Variants in GLT6D1 observed in about 807,000 individuals in gnomAD.
GLT6D1 encodes putative glycosyltransferase 6 domain-containing protein 1.
A neutral mutation model predicts 12.3 loss-of-function variants in GLT6D1; 9 were observed. The ratio of observed to expected loss-of-function variants is 0.73; its 90% confidence interval spans 0.44 to 1.27. The LOEUF is 1.27. Ranked by LOEUF, GLT6D1 falls within the 50% of genes most tolerant of loss-of-function variation. The pLI is 0.00. For missense variants in GLT6D1, 335 were observed against 346.2 expected (o/e 0.97, Z 0.26); for synonymous variants, 128 against 132.3 (o/e 0.97, Z 0.23).
chr9:135,626,329 A>AGC lies in GLT6D1; in HGVS notation c.120-124_120-123insGC, dbSNP rs1164937976. ...CGCGCCCAGCTCCGTGTTTGAGTGC[A>AGC]TCATCCCACTGGATTCATCCTTGCA... On this transcript the variant is annotated intron_variant, in intron 3 of 4. Coordinates refer to ENST00000371763, the MANE Select transcript of GLT6D1 (RefSeq NM_182974.3). 644 of 1,028,654 alleles carry AGC rather than the reference A, an allele frequency of 6.3e-4. 3 individuals are homozygous for AGC. The highest frequency in any genetic ancestry group is 2.1e-3 in the Admixed American group (96 of 45,964). The allele number at this position is 1,028,654 out of a possible 1,614,324, so 63.7% of individuals were successfully genotyped here.
Position 135,624,002 on chromosome 9 carries a change from CA to C in GLT6D1, c.*94del, listed in dbSNP as rs1461670619. 5 of 775,248 alleles carry C rather than the reference CA, an allele frequency of 6.4e-6. No individual in the cohort carries two copies. The Admixed American group carries it at 1.0e-4, about 16-fold the overall frequency. The allele number at this position is 775,248 out of a possible 1,614,324, so 48.0% of individuals were successfully genotyped here. On this transcript the variant is annotated 3_prime_UTR_variant, in exon 5 of 5. Transcript: ENST00000371763. ...TCGTCATAAACCTCATGGCGTAATT[CA>C]TAATTTCCTCTGGGAATCATGTGCG...
chr9:135,624,696 A>T (rs1327468989), intron 4 of GLT6D1, 26 bp from the exon 5 acceptor site: 1 of 1,301,818 alleles, frequency 7.7e-7, no homozygotes. Context: ...TGGGGAAGAA[A>T]CTTACTTTTC....
chr9:135,627,374 T>C (rs1833546981), intron 3 of GLT6D1, among the ~76,000 whole-genome samples: 1 of 152,194 alleles, frequency 6.6e-6, no homozygotes, highest in South Asian at 2.1e-4. Flanking sequence ...ACACATGCTA[T>C]TTACAGTTTC....
chr9:135,639,246 T>A, intron 1 of GLT6D1, 47 bp downstream of exon 1: 1 of 1,022,818 alleles, frequency 9.8e-7, no homozygotes, highest in Non-Finnish European at 1.5e-6. Context: ...AATGACATAT[T>A]TGTCATCATC....
intron 3 of GLT6D1, 72 bp from the exon 4 acceptor site, chr9:135,626,278 G>C: frequency 6.6e-7 from 1 of 1,524,468 alleles, no homozygotes; most frequent in African/African-American, 1.4e-5. Context: ...GAGCAGTAAT[G>C]CCTAATGCTT....
At chr9:135,626,339 T>G in intron 3 of GLT6D1, 133 bp from the exon 4 acceptor site, 1 of 871,426 alleles carries the variant, frequency 1.1e-6, no homozygotes, top group Non-Finnish European at 1.8e-6. Context: ...ATCATCCCAC[T>G]GGATTCATCC....
intron 3 of GLT6D1, among the ~76,000 whole-genome samples, chr9:135,627,247 A>C (rs1031197428): frequency 1.3e-5 from 2 of 152,150 alleles, no homozygotes; most frequent in African/African-American, 2.4e-5. Context: ...TTAAAAAAAA[A>C]CCAATATCTC....
rs1961127 is a variant in GLT6D1 at position 135,624,997 on chromosome 9, G to A, written c.258-327C>T. Among the ~76,000 whole-genome samples, 1,047 of 150,910 alleles carry A rather than the reference G, an allele frequency of 6.9e-3. 19 individuals are homozygous for A. The highest frequency in any genetic ancestry group is 0.038 in the East Asian group (194 of 5,120). ...GACCTCAGGTGATCCCACCCACCTCGGCGTCCTAAAGTGCTGGGATTACAG... is the reference window on the plus strand; with the variant it reads ...GACCTCAGGTGATCCCACCCACCTCAGCGTCCTAAAGTGCTGGGATTACAG... On this transcript the variant is annotated intron_variant, in intron 4 of 4. Coordinates refer to ENST00000371763, the MANE Select transcript of GLT6D1 (RefSeq NM_182974.3).
At chr9:135,624,896 A>ATTTTTTTTTTTT (rs397894316) in intron 4 of GLT6D1, among the ~76,000 whole-genome samples, 1 of 126,138 alleles carries the variant, frequency 7.9e-6, no homozygotes, top group Non-Finnish European at 1.6e-5. Flanking sequence ...CGCCCAGGTA[A>ATTTTTTTTTTTT]TTTTTTTTTT....
In GLT6D1 at chr9:135,639,114, T is replaced by C. The variant is rs560353045; in HGVS notation, c.71+3A>G. The C allele has an allele frequency of 1.3e-6, 2 of 1,497,494 alleles. No individual in the cohort carries two copies. Among genetic ancestry groups the C allele is most frequent in the African/African-American group, 2.8e-5 (2 of 72,356 alleles). The allele number at this position is 1,497,494 out of a possible 1,614,324, so 92.8% of individuals were successfully genotyped here. On this transcript the variant is annotated splice_donor_region_variant and intron_variant, in intron 2 of 4. Transcript: ENST00000371763. ...TCATGATTTATCAATACTTTATATT[T>C]ACCTGAAATAACGCTCAACCAACAT...
chr9:135,625,303 T>C (rs1027351256), intron 4 of GLT6D1, among the ~76,000 whole-genome samples: 6 of 152,132 alleles, frequency 3.9e-5, no homozygotes, highest in African/African-American at 1.4e-4. Flanking sequence ...TGTTAAGGAC[T>C]CGGCCATCGA....
Position 135,623,898 on chromosome 9 carries a change from A to T in GLT6D1, c.*199T>A, listed in dbSNP as rs2119123932. 2.0e-6 allele frequency: 1 copy of T among 509,608 alleles called. No individual in the cohort carries two copies. The allele number at this position is 509,608 out of a possible 1,614,324, so 31.6% of individuals were successfully genotyped here. A position where few individuals can be genotyped will look rare whatever the true frequency, so the allele number is the denominator to read the frequency against. On this transcript the variant is annotated 3_prime_UTR_variant, in exon 5 of 5. Transcript: ENST00000371763. Reference sequence around the variant, plus strand: ...AAGAAGAAACATTTATTTGGGAAGGATGTAAATTTGTATGTCTCTAAAAAA... The same window carrying T: ...AAGAAGAAACATTTATTTGGGAAGGTTGTAAATTTGTATGTCTCTAAAAAA...
intron 2 of GLT6D1, among the ~76,000 whole-genome samples, chr9:135,637,900 T>TA (rs1168311274): frequency 6.6e-6 from 1 of 152,234 alleles, no homozygotes; most frequent in African/African-American, 2.4e-5. Flanking sequence ...GCTGTTCAAA[T>TA]AGCCTCTGGA....
At position 135,624,265 on chromosome 9, in the gene GLT6D1, T is replaced by A. The variant is rs200214074; in HGVS notation, c.663A>T (p.Gly221=). 689 of 1,604,416 alleles carry A rather than the reference T, an allele frequency of 4.3e-4. 1 individual carries two copies. The highest frequency in any genetic ancestry group is 2.2e-3 in the Middle Eastern group (13 of 5,996). Residue 221 remains glycine, a synonymous_variant, in exon 5 of 5, where the codon GGA becomes GGT. Coordinates refer to ENST00000371763, the MANE Select transcript of GLT6D1 (RefSeq NM_182974.3). ...RPTSAACIPF[G]QGDFYYGNLM... ...AGTTGCCATAATAGAAATCTCCCTG[T>A]CCAAACGGGATGCAAGCTGCTGAGG...
At position 135,626,062 on chromosome 9, in the gene GLT6D1, C is replaced by G; in HGVS notation, c.257+7G>C. 1 of 1,613,862 alleles carries G rather than the reference C, an allele frequency of 6.2e-7. No homozygotes were observed. The highest frequency in any genetic ancestry group is 1.1e-5 in the South Asian group (1 of 91,012). On this transcript the variant is annotated splice_region_variant and intron_variant, in intron 4 of 4. Coordinates refer to ENST00000371763, the MANE Select transcript of GLT6D1 (RefSeq NM_182974.3). ...AATAAAAAAGGGCAAAGGTGAGTGG[C>G]ACCTACCTGCCAGTAGCAAAGACGG...
chr9:135,631,515 C>G (rs933051180), intron 2 of GLT6D1, 37 bp from the exon 3 acceptor site: 6 of 1,505,312 alleles, frequency 4.0e-6, no homozygotes, highest in Admixed American at 1.7e-5. Flanking sequence ...TTGCAAGGAG[C>G]CTGTTCAATG....
rs149569352 is a variant in GLT6D1 at position 135,630,278 on chromosome 9, C to A, written c.119+1153G>T. On this transcript the variant is annotated intron_variant, in intron 3 of 4. Coordinates refer to ENST00000371763, the MANE Select transcript of GLT6D1 (RefSeq NM_182974.3). ...AAAATTAGCCAGGCGTGGTGGCAGG[C>A]GCCTGTAGTCCCAGCTACTTGGGAG... Among the ~76,000 whole-genome samples, 3 of 151,702 alleles carry A rather than the reference C, an allele frequency of 2.0e-5. No individual in the cohort carries two copies. The South Asian group carries it at 6.3e-4, about 32-fold the overall frequency.
intron 2 of GLT6D1, among the ~76,000 whole-genome samples, chr9:135,636,546 TC>T (rs1833777449): frequency 6.6e-6 from 1 of 152,330 alleles, no homozygotes; most frequent in African/African-American, 2.4e-5. Flanking sequence ...TTAATTTCAC[TC>T]TTCGTGCTGT....
At chr9:135,625,542 A>T (rs888782480) in intron 4 of GLT6D1, among the ~76,000 whole-genome samples, 2 of 152,208 alleles carry the variant, frequency 1.3e-5, no homozygotes, top group Admixed American at 6.5e-5. Context: ...ATAAAACTTT[A>T]CTAGTCTGCA....
Sources: allele counts gnomAD v4.1 joint callset (sites outside exome capture counted in the v4.1 genomes callset), GRCh38; gene constraint gnomAD v4.1.1; transcripts MANE v1.5; gene names NCBI Gene and HGNC (gene_info 2026-07-23, HGNC 2026-07-21).